The following TSHZ3 variants were observed in gnomAD, a reference collection of about 807,000 sequenced individuals.
The protein encoded by TSHZ3 is teashirt homolog 3.
Under a neutral mutation model 64.5 loss-of-function variants are expected in TSHZ3, and 10 were observed. That is an observed-to-expected ratio of 0.16 (90% CI 0.10 to 0.26). The LOEUF is 0.26. TSHZ3 is among the 10% of genes least tolerant of loss of function. The probability of loss-of-function intolerance (pLI) is 1.00; values close to 1 mark genes in which losing one functional copy is unlikely to be tolerated. For missense variants in TSHZ3, 1,242 were observed against 1,421.7 expected, an observed-to-expected ratio of 0.87 and a Z score of 2.03; for synonymous variants, 608 against 593.1, an observed-to-expected ratio of 1.03 and a Z score of -0.36.
At position 31,235,567 on chromosome 19, in the gene TSHZ3, A is replaced by G. The variant is rs554408950; in HGVS notation, n.550+6702T>C. On this transcript the variant is annotated intron_variant and non_coding_transcript_variant, in intron 3 of 6. Transcript: ENST00000651361. ...ATGTGTGTGTGTGTGTGTGTATCACATTTTCTTTCCTTCTCTTTTTTCTTT... is the reference window on the plus strand; with the variant it reads ...ATGTGTGTGTGTGTGTGTGTATCACGTTTTCTTTCCTTCTCTTTTTTCTTT... Among the ~76,000 whole-genome samples the G allele has an allele frequency of 6.6e-4, 97 of 147,160 alleles. No individual in the cohort carries two copies. In the South Asian group the frequency reaches 0.013, roughly 19 times the overall value.
At chr19:31,341,330 T>G (rs560551780) in intron 1 of TSHZ3, among the ~76,000 whole-genome samples, 22 of 152,276 alleles carry the variant, frequency 1.4e-4, no homozygotes, top group African/African-American at 5.3e-4. Context: ...ACTTGGGGTC[T>G]CAGGCAAACT....
At chr19:31,287,614 G>A (rs1421559243) in intron 1 of TSHZ3, among the ~76,000 whole-genome samples, 1 of 152,086 alleles carries the variant, frequency 6.6e-6, no homozygotes, top group East Asian at 1.9e-4. Context: ...GAGAGGAAGA[G>A]AAGAATCCAC....
chr19:31,160,354 C>T (rs560583116), intron 5 of TSHZ3, among the ~76,000 whole-genome samples: 13 of 152,270 alleles, frequency 8.5e-5, no homozygotes, highest in South Asian at 2.1e-4. Flanking sequence ...CAACGCTCTG[C>T]GGTCTATCTG....
intron 4 of TSHZ3, among the ~76,000 whole-genome samples, chr19:31,212,315 G>A (rs1053053304): frequency 2.6e-5 from 4 of 151,928 alleles, no homozygotes; most frequent in African/African-American, 7.3e-5. Flanking sequence ...AAAATTAGCC[G>A]GGCGTGGTGG....
chr19:31,236,874 C>T (rs747951697), intron 3 of TSHZ3, among the ~76,000 whole-genome samples: 2 of 152,170 alleles, frequency 1.3e-5, no homozygotes, highest in Admixed American at 6.5e-5. Flanking sequence ...ACAGGCTGGG[C>T]GTGGTGGCTC....
intron 5 of TSHZ3, among the ~76,000 whole-genome samples, chr19:31,200,639 A>G (rs892264147): frequency 3.9e-5 from 6 of 152,202 alleles, no homozygotes; most frequent in African/African-American, 1.4e-4. Flanking sequence ...TCTGCACAAT[A>G]CTACGATGTT....
intron 1 of TSHZ3, among the ~76,000 whole-genome samples, chr19:31,346,643 T>A (rs1917599791): frequency 6.6e-6 from 1 of 152,048 alleles, no homozygotes; most frequent in Admixed American, 6.6e-5. Context: ...TTTTCCCCAC[T>A]CTCTCTCTCT....
At chr19:31,241,442 C>A (rs1447111567) in intron 3 of TSHZ3, among the ~76,000 whole-genome samples, 1 of 152,164 alleles carries the variant, frequency 6.6e-6, no homozygotes, top group Non-Finnish European at 1.5e-5. Context: ...ATCAAGCATC[C>A]AGCCCCACCA....
At chr19:31,219,482 C>T (rs1975372757) in intron 4 of TSHZ3, among the ~76,000 whole-genome samples, 1 of 152,132 alleles carries the variant, frequency 6.6e-6, no homozygotes, top group Non-Finnish European at 1.5e-5. Context: ...TGATTTTACC[C>T]TCTTCTAGAG....
chr19:31,234,055 T>A (rs1464023278), intron 3 of TSHZ3, among the ~76,000 whole-genome samples: 1 of 152,138 alleles, frequency 6.6e-6, no homozygotes, highest in Non-Finnish European at 1.5e-5. Context: ...ACAGGACATG[T>A]CTTTCAGTTA....
chr19:31,325,813 A>C (rs1243656555), intron 1 of TSHZ3, among the ~76,000 whole-genome samples: 2 of 152,190 alleles, frequency 1.3e-5, no homozygotes, highest in Non-Finnish European at 2.9e-5. Context: ...CTCATTCACT[A>C]GAGTCAAACG....
chr19:31,215,755 C>T lies in TSHZ3; in HGVS notation n.687-10677G>A, dbSNP rs1975318289. Reference sequence around the variant, plus strand: ...GCATAGTGGTGTGTGCCTGTAATCCCAGCTACTTGGGAGGCTGAGGCAGGA... The same window carrying T: ...GCATAGTGGTGTGTGCCTGTAATCCTAGCTACTTGGGAGGCTGAGGCAGGA... On this transcript the variant is annotated intron_variant and non_coding_transcript_variant, in intron 4 of 6. Transcript: ENST00000651361. Among the ~76,000 whole-genome samples, 3 of 152,002 alleles carry T rather than the reference C, an allele frequency of 2.0e-5. No individual in the cohort carries two copies. The South Asian group carries it at 6.2e-4, about 32-fold the overall frequency.
intron 1 of TSHZ3, among the ~76,000 whole-genome samples, chr19:31,266,515 A>T (rs1456171511): frequency 6.6e-6 from 1 of 152,128 alleles, no homozygotes; most frequent in East Asian, 1.9e-4. Flanking sequence ...TTGAGGCCAG[A>T]AATTATTCAA....
Position 31,348,090 on chromosome 19 carries a change from T to C in TSHZ3, c.40+1090A>G, listed in dbSNP as rs557197967. Among the ~76,000 whole-genome samples, 679 of 152,364 alleles carry C rather than the reference T, an allele frequency of 4.5e-3. 22 individuals carry two copies. The highest frequency in any genetic ancestry group is 0.039 in the Admixed American group (591 of 15,304). On this transcript the variant is annotated intron_variant, in intron 1 of 1. Transcript: ENST00000240587. ...GGGAGCATCTGAACCTCTGCACATC[T>C]GAGTGTTACTCATATCAAAATACAT...
At chr19:31,347,206 A>G (rs1173230400) in intron 1 of TSHZ3, among the ~76,000 whole-genome samples, 1 of 146,362 alleles carries the variant, frequency 6.8e-6, no homozygotes, top group Non-Finnish European at 1.5e-5. Flanking sequence ...AAAAAAAAAA[A>G]GTGTGAAAAG....
chr19:31,338,409 A>G (rs1917317933), intron 1 of TSHZ3, among the ~76,000 whole-genome samples: 1 of 152,138 alleles, frequency 6.6e-6, no homozygotes, highest in Non-Finnish European at 1.5e-5. Context: ...GGCTGCTGGG[A>G]GCCCGGGCAG....
At chr19:31,255,603 C>G (rs1975899039) in intron 1 of TSHZ3, among the ~76,000 whole-genome samples, 1 of 152,182 alleles carries the variant, frequency 6.6e-6, no homozygotes, top group South Asian at 2.1e-4. Flanking sequence ...GTCACTACAG[C>G]TGCTCCCCAA....
chr19:31,156,235 G>T (rs577987726), intron 6 of TSHZ3, among the ~76,000 whole-genome samples: 18 of 152,254 alleles, frequency 1.2e-4, no homozygotes, highest in Non-Finnish European at 2.4e-4. Flanking sequence ...ATGAGTACCT[G>T]GAATAGTGTC....
chr19:31,267,780 G>A (rs1235746044), intron 1 of TSHZ3, among the ~76,000 whole-genome samples: 1 of 152,136 alleles, frequency 6.6e-6, no homozygotes, highest in Non-Finnish European at 1.5e-5. Context: ...TTCTCCTTTG[G>A]GATCATTGCC....
Sources: allele counts gnomAD v4.1 joint callset (sites outside exome capture counted in the v4.1 genomes callset), GRCh38; gene constraint gnomAD v4.1.1; transcripts MANE v1.5; gene names NCBI Gene and HGNC (gene_info 2026-07-23, HGNC 2026-07-21).